The following ITPR2 variants were observed in gnomAD, a reference collection of about 807,000 sequenced individuals.
ITPR2 encodes inositol 1,4,5-trisphosphate-gated calcium channel ITPR2.
A neutral mutation model predicts 317.1 loss-of-function variants in ITPR2; 207 were observed. The observed-to-expected ratio is 0.65, with a 90% confidence interval of 0.58 to 0.73. ITPR2 has a LOEUF of 0.73. Among genes scored for constraint, ITPR2 ranks in the 30% least tolerant of loss-of-function variants. The pLI is 0.00. For synonymous variants in ITPR2, 1,156 were observed against 1,149.1 expected (o/e 1.01, Z -0.12); for missense variants, 2,613 against 3,284.0 (o/e 0.80, Z 4.99).
At chr12:26,622,849 C>T (rs1056242985) in intron 24 of ITPR2, among the ~76,000 whole-genome samples, 1 of 152,188 alleles carries the variant, frequency 6.6e-6, no homozygotes, top group African/African-American at 2.4e-5. Context: ...GAACCAGCAC[C>T]AGAGTGGCCA....
chr12:26,657,830 T>C lies in ITPR2; in HGVS notation c.2069A>G (p.Asp690Gly), dbSNP rs763003964. 2 of 1,614,070 alleles carry C rather than the reference T, an allele frequency of 1.2e-6. No homozygotes were observed. Among genetic ancestry groups the C allele is most frequent in the Admixed American group, 1.7e-5 (1 of 60,000 alleles). Residue 690 changes from aspartate to glycine, a missense_variant, in exon 18 of 57, where the codon GAT becomes GGT. Around this residue, in one of 9 missense-constraint regions of ITPR2, gnomAD observed 817 missense variants for 897.6 expected, o/e 0.91. Transcript: ENST00000381340. ...AATCCAATAGAGCCAAACTTCTTCA[T>C]CATCAATGTCATCTGAAAGGATGGA... is the stretch of plus-strand genomic sequence containing the variant. The part of the protein sequence containing the change: ...ESSILSDDID[D>G]EEVWLYWIDS...
chr12:26,390,162 T>C (rs1455407833), intron 54 of ITPR2, among the ~76,000 whole-genome samples: 1 of 152,180 alleles, frequency 6.6e-6, no homozygotes, highest in African/African-American at 2.4e-5. Context: ...CTAACAGAAA[T>C]GTAAAATGGT....
chr12:26,382,690 T>C lies in ITPR2; in HGVS notation c.7857+4744A>G, dbSNP rs147244167. Among the ~76,000 whole-genome samples the C allele has an allele frequency of 1.2e-3, 180 of 152,066 alleles. 1 individual carries two copies. The East Asian group carries it at 0.022, about 19-fold the overall frequency. ...ACACACACACACAAAAAAAAAGAAT[T>C]TGAAAACAGAGGTAAGAAAGTTTTA... On this transcript the variant is annotated intron_variant, in intron 55 of 56. Transcript: ENST00000381340.
rs548180808 is a variant in ITPR2, at chr12:26,705,688, A to G, written c.951+5485T>C. 2.6e-5 allele frequency among the ~76,000 whole-genome samples: 4 copies of G among 152,230 alleles called. No individual in the cohort carries two copies. In the South Asian group the frequency reaches 8.3e-4, roughly 32 times the overall value. On this transcript the variant is annotated intron_variant, in intron 9 of 56. Transcript: ENST00000381340. ...TTTGGCACCTCTTCTCATTTTCCCT[A>G]ATTTGGTGAATGACATCGCTAGTTC...
At chr12:26,480,625 AG>A (rs1942525304) in intron 43 of ITPR2, among the ~76,000 whole-genome samples, 1 of 152,158 alleles carries the variant, frequency 6.6e-6, no homozygotes, top group African/African-American at 2.4e-5. Context: ...GCAGATCACG[AG>A]GTCAGGAGTT....
intron 1 of ITPR2, among the ~76,000 whole-genome samples, chr12:26,819,219 T>G (rs1950902987): frequency 6.6e-6 from 1 of 152,210 alleles, no homozygotes; most frequent in South Asian, 2.1e-4. Flanking sequence ...AAGTCCTCAT[T>G]TGTAACACTG....
chr12:26,659,301 G>T lies in ITPR2; in HGVS notation c.1714-16C>A, dbSNP rs538514947. 2 of 1,610,434 alleles carry T rather than the reference G, an allele frequency of 1.2e-6. No individual in the cohort carries two copies. The highest frequency in any genetic ancestry group is 2.7e-5 in the African/African-American group (2 of 74,974). On this transcript the variant is annotated splice_polypyrimidine_tract_variant and intron_variant, in intron 15 of 56. Coordinates refer to ENST00000381340, the MANE Select transcript of ITPR2 (RefSeq NM_002223.4). ...CAATATATTCCTGCAAAGAAGAAAG[G>T]CTGTCAGAATGCACTGCCAAACAGC...
chr12:26,610,625 C>A (rs1442721554), intron 26 of ITPR2, among the ~76,000 whole-genome samples: 1 of 151,986 alleles, frequency 6.6e-6, no homozygotes, highest in Non-Finnish European at 1.5e-5. Flanking sequence ...CTATGAGGAA[C>A]ATTAATACTA....
At position 26,831,190 on chromosome 12, in the gene ITPR2, T is replaced by C. The variant is rs554800611; in HGVS notation, c.92+1500A>G. On this transcript the variant is annotated intron_variant, in intron 1 of 56. Transcript: ENST00000381340. This position sits in a 1 kb window ranked among gnomAD's most constrained non-coding sequence, Gnocchi z 4.9. ...TGATCTCAAAAACAGTGGTAGCTCA[T>C]GATTCACAAACCCAGCAGAAGCGCT... Among the ~76,000 whole-genome samples the C allele has an allele frequency of 6.6e-6, 1 of 152,332 alleles. No individual in the cohort carries two copies. Among genetic ancestry groups the C allele is most frequent in the Admixed American group, 6.5e-5 (1 of 15,306 alleles).
chr12:26,523,394 C>T (rs1246343778), intron 37 of ITPR2, among the ~76,000 whole-genome samples: 4 of 152,178 alleles, frequency 2.6e-5, no homozygotes, highest in Non-Finnish European at 4.4e-5. Context: ...CACTTTTTCT[C>T]GCTAATCTTC....
Position 26,622,328 on chromosome 12 carries a change from T to G in ITPR2, c.3200A>C (p.His1067Pro), listed in dbSNP as rs753497995. Residue 1067 changes from histidine (H) to proline (P), a missense_variant, in exon 25 of 57, where the codon CAC becomes CCC. Transcript: ENST00000381340. ...FLRVLIHLIM[H>P]DYPPLLSGAL... The stretch of plus-strand genomic sequence containing the variant: ...TCCAGACAGCAAAGGCGGGTAGTCG[T>G]GCATGATCAGATGAATGAGGACCCG... The G allele has an allele frequency of 1.2e-6, 2 of 1,614,046 alleles. No homozygotes were observed. The highest frequency in any genetic ancestry group is 2.2e-5 in the South Asian group (2 of 91,068).
rs564298131 is a variant in ITPR2, at chr12:26,563,700, T to C, written c.4631-1748A>G. Among the ~76,000 whole-genome samples, 4 of 152,310 alleles carry C rather than the reference T, an allele frequency of 2.6e-5. No individual in the cohort carries two copies. In the South Asian group the frequency reaches 6.2e-4, roughly 24 times the overall value. On this transcript the variant is annotated intron_variant, in intron 34 of 56. Coordinates refer to ENST00000381340, the MANE Select transcript of ITPR2 (RefSeq NM_002223.4). ...AGTCTGCCTCTGCTATACACACACA[T>C]GCACATATGCATGCACGCACACAAA...
chr12:26,778,694 G>T (rs1950023001), intron 2 of ITPR2, among the ~76,000 whole-genome samples: 1 of 152,176 alleles, frequency 6.6e-6, no homozygotes, highest in Non-Finnish European at 1.5e-5. Flanking sequence ...TATCACACTG[G>T]TCCATTACAT....
chr12:26,482,968 T>TGGTA (rs1942580069), intron 42 of ITPR2, among the ~76,000 whole-genome samples: 2 of 152,330 alleles, frequency 1.3e-5, no homozygotes, highest in Admixed American at 1.3e-4. Flanking sequence ...ATGCTTACGA[T>TGGTA]GGTAGCTCCA....
chr12:26,649,845 CCTGGCTGTTT>C (rs1947205366), intron 21 of ITPR2, among the ~76,000 whole-genome samples: 1 of 151,286 alleles, frequency 6.6e-6, no homozygotes, highest in Admixed American at 6.6e-5. Context: ...AGATAGATAA[CCTGGCTGTTT>C]CTCCTATTAT....
intron 9 of ITPR2, among the ~76,000 whole-genome samples, chr12:26,707,099 G>A (rs1007098870): frequency 6.6e-6 from 1 of 152,124 alleles, no homozygotes; most frequent in African/African-American, 2.4e-5. Context: ...AGCCCTCCCT[G>A]ATTGTGCCGC....
chr12:26,824,042 T>C (rs892824958), intron 1 of ITPR2, among the ~76,000 whole-genome samples: 2 of 152,194 alleles, frequency 1.3e-5, no homozygotes, highest in Non-Finnish European at 2.9e-5. Context: ...AATAAACCCA[T>C]TGTAAGTTGA....
chr12:26,547,947 T>A (rs1346522778), intron 37 of ITPR2, among the ~76,000 whole-genome samples: 1 of 152,194 alleles, frequency 6.6e-6, no homozygotes, highest in East Asian at 1.9e-4. Context: ...TTGGCTATGA[T>A]CAAAGGAGTA....
chr12:26,567,231 T>C (rs948971824), intron 34 of ITPR2, among the ~76,000 whole-genome samples: 1 of 152,132 alleles, frequency 6.6e-6, no homozygotes, highest in African/African-American at 2.4e-5. Flanking sequence ...CCAGTGAAAA[T>C]TTAGTTCAAT....
Sources: allele counts gnomAD v4.1 joint callset (sites outside exome capture counted in the v4.1 genomes callset), GRCh38; gene constraint gnomAD v4.1.1; regional missense constraint gnomAD v4.1.1; non-coding constraint Gnocchi (gnomAD v3.1); transcripts MANE v1.5; gene names NCBI Gene and HGNC (gene_info 2026-07-23, HGNC 2026-07-21).